OGA: variants seen among roughly 807,000 people sequenced by gnomAD.
OGA encodes protein O-GlcNAcase.
OGA carries 21 observed loss-of-function variants against 102.0 expected under a neutral mutation model. That is an observed-to-expected ratio of 0.21 (90% CI 0.15 to 0.30). The LOEUF (loss-of-function observed/expected upper bound fraction) is 0.30. OGA is among the 10% of genes least tolerant of loss of function. OGA has a pLI of 1.00. For missense variants in OGA, 765 were observed against 1,107.8 expected (o/e 0.69, Z 4.39); for synonymous variants, 408 against 378.2 (o/e 1.08, Z -0.91).
chr10:101,796,809 C>T (rs2065322680), intron 10 of OGA, among the ~76,000 whole-genome samples: 1 of 152,050 alleles, frequency 6.6e-6, no homozygotes, highest in South Asian at 2.1e-4. Context: ...AGGCTGGTCT[C>T]GAACTCCTGA....
chr10:101,789,541 T>C (rs2065231831), intron 14 of OGA, among the ~76,000 whole-genome samples: 1 of 151,520 alleles, frequency 6.6e-6, no homozygotes, highest in Non-Finnish European at 1.5e-5. Flanking sequence ...AATACTTTGG[T>C]GTGGTGGAGA....
At chr10:101,807,922 A>G (rs1181029035) in intron 4 of OGA, 21 bp from the exon 5 acceptor site, 1 of 1,465,054 alleles carries the variant, frequency 6.8e-7, no homozygotes, top group Non-Finnish European at 9.1e-7. Context: ...AAAAAAAAAA[A>G]GAATCAAGAG....
chr10:101,804,899 A>G (rs1200263632), intron 6 of OGA, among the ~76,000 whole-genome samples: 1 of 152,136 alleles, frequency 6.6e-6, no homozygotes, highest in African/African-American at 2.4e-5. Flanking sequence ...ACCCAGCCAC[A>G]ATTTTTCTTT....
intron 15 of OGA, 134 bp from the exon 16 acceptor site, chr10:101,786,721 A>G: frequency 1.3e-6 from 1 of 746,014 alleles, no homozygotes; most frequent in Non-Finnish European, 1.9e-6. Flanking sequence ...CATTTCACAC[A>G]ATTAAAAAAA....
chr10:101,812,130 A>G (rs902215617), intron 3 of OGA, among the ~76,000 whole-genome samples: 4 of 152,232 alleles, frequency 2.6e-5, no homozygotes, highest in African/African-American at 9.6e-5. Flanking sequence ...TTTAATTTCA[A>G]GTACAAAAAT....
intron 10 of OGA, among the ~76,000 whole-genome samples, chr10:101,796,677 TCTC>T (rs1294644221): frequency 6.6e-6 from 1 of 151,942 alleles, no homozygotes; most frequent in Non-Finnish European, 1.5e-5. Flanking sequence ...TTCAAGCAAT[TCTC>T]CTGCCTCAGC....
intron 10 of OGA, among the ~76,000 whole-genome samples, chr10:101,796,544 G>A (rs1354519352): frequency 6.6e-6 from 1 of 152,034 alleles, no homozygotes; most frequent in Non-Finnish European, 1.5e-5. Context: ...ACAGGTTTGA[G>A]CCGCTGCGCA....
intron 14 of OGA, among the ~76,000 whole-genome samples, chr10:101,788,431 A>AG (rs1242223782): frequency 6.6e-6 from 1 of 151,248 alleles, no homozygotes; most frequent in African/African-American, 2.4e-5. Flanking sequence ...GAAAAAAAAA[A>AG]AAAAAAAAAA....
chr10:101,814,564 T>G (rs543514103), intron 1 of OGA, among the ~76,000 whole-genome samples: 1 of 152,308 alleles, frequency 6.6e-6, no homozygotes, highest in South Asian at 2.1e-4. Context: ...CATTCCAGCC[T>G]AGGTGACAGA....
chr10:101,785,840 T>G lies in OGA; in HGVS notation c.*611A>C, dbSNP rs2065185934. 1 of 152,292 alleles carries G rather than the reference T, an allele frequency of 6.6e-6. No individual in the cohort carries two copies. Among genetic ancestry groups the G allele is most frequent in the Non-Finnish European group, 1.5e-5 (1 of 68,046 alleles). 9.4% of individuals were successfully genotyped at this position (152,292 alleles called of 1,614,324 possible). A position where few individuals can be genotyped will look rare whatever the true frequency, so the allele number is the denominator to read the frequency against. On this transcript the variant is annotated 3_prime_UTR_variant, in exon 16 of 16. Transcript: ENST00000361464. ...GCTTTTGCCACAAACAAATGCACAT[T>G]TGTCCCTACAAAGTACAACATGCCT...
At chr10:101,817,777 G>A (rs767395017) in intron 1 of OGA, 47 bp downstream of exon 1, 26 of 1,530,794 alleles carry the variant, frequency 1.7e-5, no homozygotes, top group Non-Finnish European at 2.2e-5. Context: ...TCCTCCCGAG[G>A]ACAGAACGTG....
chr10:101,800,372 G>T lies in OGA; in HGVS notation c.1065C>A (p.Ile355=). The T allele has an allele frequency of 6.2e-7, 1 of 1,613,126 alleles. No homozygotes were observed. Residue 355 remains isoleucine, a synonymous_variant, in exon 8 of 16, where the codon ATC becomes ATA. Coordinates refer to ENST00000361464, the MANE Select transcript of OGA (RefSeq NM_012215.5). ...TGCCTTCATTTTCTAATTTTATCTG[G>T]ATGGACACAGTACTATCTTCACTGT... ...MTDSEDSTVS[I]QIKLENEGSD... is the part of the protein sequence containing the mutation.
intron 14 of OGA, among the ~76,000 whole-genome samples, chr10:101,789,887 G>A (rs1411112513): frequency 6.6e-6 from 1 of 152,212 alleles, no homozygotes; most frequent in African/African-American, 2.4e-5. Flanking sequence ...GCTGATGCAA[G>A]AGGATAACTT....
rs1486668543 is a variant in OGA at position 101,786,350 on chromosome 10, G to A, written c.*101C>T. 1.6e-6 allele frequency: 2 copies of A among 1,229,990 alleles called. No individual in the cohort carries two copies. Among genetic ancestry groups the A allele is most frequent in the Non-Finnish European group, 2.2e-6 (2 of 926,476 alleles). The allele number at this position is 1,229,990 out of a possible 1,614,324, so 76.2% of individuals were successfully genotyped here. On this transcript the variant is annotated 3_prime_UTR_variant, in exon 16 of 16. Transcript: ENST00000361464. ...TTCTTTGTTTCGAATCCAATTGGCTGATTTGTTACCATTCTAGAGGCTGAA... is the reference window on the plus strand; with the variant it reads ...TTCTTTGTTTCGAATCCAATTGGCTAATTTGTTACCATTCTAGAGGCTGAA...
intron 14 of OGA, among the ~76,000 whole-genome samples, chr10:101,790,356 T>TC (rs1337758014): frequency 3.7e-4 from 48 of 131,168 alleles, no homozygotes; most frequent in Non-Finnish European, 5.9e-4. Context: ...CACTGCAACC[T>TC]CCCGCTCCTG....
At chr10:101,815,299 G>A (rs576072747) in intron 1 of OGA, among the ~76,000 whole-genome samples, 1 of 150,194 alleles carries the variant, frequency 6.7e-6, no homozygotes, top group South Asian at 2.1e-4. Flanking sequence ...TTTTTTCTCA[G>A]GCGGAATCTC....
In OGA at chr10:101,810,223, G is replaced by A. The variant is rs1397589252; in HGVS notation, c.441C>T (p.Asn147=). ...ISPGLDITFS[N]PKEVSTLKRK... ...GTTTCAATGTGGATACTTCCTTGGG[G>A]TTAGAAAAAGTGATATCCAATCCAG... Residue 147 remains asparagine, a synonymous_variant, in exon 4 of 16, where the codon AAC becomes AAT. Coordinates refer to ENST00000361464, the MANE Select transcript of OGA (RefSeq NM_012215.5). The A allele has an allele frequency of 1.2e-6, 2 of 1,612,654 alleles. No homozygotes were observed. The highest frequency in any genetic ancestry group is 1.7e-6 in the Non-Finnish European group (2 of 1,178,872).
At chr10:101,808,473 C>T (rs1300903408) in intron 4 of OGA, among the ~76,000 whole-genome samples, 1 of 152,016 alleles carries the variant, frequency 6.6e-6, no homozygotes, top group African/African-American at 2.4e-5. Context: ...TGTCCTAGTC[C>T]CAAAAGGCAC....
chr10:101,786,613 CA>C lies in OGA; in HGVS notation c.2615-27del. 3 of 1,537,628 alleles carry C rather than the reference CA, an allele frequency of 2.0e-6. No individual in the cohort carries two copies. The South Asian group carries it at 3.8e-5, about 20-fold the overall frequency. On this transcript the variant is annotated intron_variant, in intron 15 of 15. Coordinates refer to ENST00000361464, the MANE Select transcript of OGA (RefSeq NM_012215.5). ...CTAGAAATAAAACAAATATTCAAAA[CA>C]TAAATAAGTCACTTAATTAGTATAA...
Sources: gnomAD v4.1 joint callset for allele counts (sites outside exome capture counted in the v4.1 genomes callset) on GRCh38, gnomAD v4.1.1 for gene constraint, MANE v1.5 for transcripts, NCBI Gene and HGNC (gene_info 2026-07-23, HGNC 2026-07-21) for gene names.